CHL1: variants seen among roughly 807,000 people sequenced by gnomAD.
CHL1 encodes neural cell adhesion molecule L1-like protein.
CHL1 carries 96 observed loss-of-function variants against 141.9 expected under a neutral mutation model. That is an observed-to-expected ratio of 0.68 (90% confidence interval 0.57 to 0.80). The LOEUF is 0.80. Ranked by LOEUF, CHL1 falls within the 30% of genes least tolerant of loss-of-function variation. The pLI, the probability that CHL1 is intolerant of heterozygous loss-of-function variation, is 0.00. For missense variants in CHL1, 1,820 were observed against 1,457.2 expected, an observed-to-expected ratio of 1.25 and a Z score of -4.05; for synonymous variants, 613 against 502.2, an observed-to-expected ratio of 1.22 and a Z score of -2.95.
At chr3:350,386 T>A (rs993742289) in intron 10 of CHL1, among the ~76,000 whole-genome samples, 1 of 152,208 alleles carries the variant, frequency 6.6e-6, no homozygotes, top group African/African-American at 2.4e-5. Context: ...GCTTTCTATC[T>A]ACAATGTAGT....
At chr3:249,934 T>C (rs904823205) in intron 2 of CHL1, among the ~76,000 whole-genome samples, 1 of 151,972 alleles carries the variant, frequency 6.6e-6, no homozygotes, top group Non-Finnish European at 1.5e-5. Flanking sequence ...GACTGTGAAT[T>C]AAACTAACAA....
intron 7 of CHL1, 136 bp from the exon 8 acceptor site, chr3:342,848 A>G (rs1280422111): frequency 1.7e-6 from 1 of 594,616 alleles, no homozygotes; most frequent in Admixed American, 3.5e-5. Flanking sequence ...TATATTCCCA[A>G]AGGCAATGTT....
intron 15 of CHL1, among the ~76,000 whole-genome samples, chr3:369,183 G>C (rs1002955456): frequency 2.0e-5 from 3 of 151,820 alleles, no homozygotes; most frequent in African/African-American, 7.3e-5. Flanking sequence ...AAATTACTTT[G>C]GGCAGTGTGG....
intron 2 of CHL1, among the ~76,000 whole-genome samples, chr3:281,404 G>A (rs1161728372): frequency 2.0e-5 from 3 of 152,112 alleles, no homozygotes; most frequent in Non-Finnish European, 2.9e-5. Context: ...TCACCACTAT[G>A]ATTTACTATT....
At chr3:307,301 C>T (rs755111217) in intron 2 of CHL1, among the ~76,000 whole-genome samples, 6 of 152,168 alleles carry the variant, frequency 3.9e-5, no homozygotes, top group Non-Finnish European at 5.9e-5. Flanking sequence ...AGTATGTGTA[C>T]ACATGCACAA....
At position 255,037 on chromosome 3, in the gene CHL1, G is replaced by A. The variant is rs146394711; in HGVS notation, c.-95+10345G>A. ...CCTATCTCCATCTCTAGCTACAATTGTTCTGAATTTTGGGGCCCGTTTTTG... is the reference window on the plus strand; with the variant it reads ...CCTATCTCCATCTCTAGCTACAATTATTCTGAATTTTGGGGCCCGTTTTTG... On this transcript the variant is annotated intron_variant, in intron 2 of 27. Transcript: ENST00000256509. Among the ~76,000 whole-genome samples the A allele has an allele frequency of 8.0e-4, 122 of 152,020 alleles. 3 individuals carry two copies. The South Asian group carries it at 0.021, about 26-fold the overall frequency.
At chr3:253,215 A>G (rs1291287312) in intron 2 of CHL1, among the ~76,000 whole-genome samples, 5 of 152,150 alleles carry the variant, frequency 3.3e-5, no homozygotes, top group East Asian at 1.9e-4. Context: ...ATGATTAACA[A>G]TGCTTTTATT....
At chr3:226,374 T>TTTTATATA (rs75223532) in intron 1 of CHL1, among the ~76,000 whole-genome samples, 4 of 144,304 alleles carry the variant, frequency 2.8e-5, no homozygotes, top group Non-Finnish European at 4.5e-5. Context: ...ATAGAATATT[T>TTTTATATA]TATATATATA....
intron 27 of CHL1, among the ~76,000 whole-genome samples, chr3:402,434 C>A (rs1013235776): frequency 1.3e-5 from 2 of 152,192 alleles, no homozygotes; most frequent in African/African-American, 4.8e-5. Context: ...CTTTCTGCTA[C>A]TCTCTCAACT....
chr3:250,302 T>A (rs1343544396), intron 2 of CHL1, among the ~76,000 whole-genome samples: 2 of 151,940 alleles, frequency 1.3e-5, no homozygotes, highest in Admixed American at 6.6e-5. Flanking sequence ...GATGTCATAG[T>A]AAAGAAGTGA....
chr3:250,494 G>A (rs1412394679), intron 2 of CHL1, among the ~76,000 whole-genome samples: 1 of 152,084 alleles, frequency 6.6e-6, no homozygotes, highest in Non-Finnish European at 1.5e-5. Context: ...ATTTGTCTGT[G>A]CAGATCTATC....
chr3:329,030 G>T (rs1467374172), intron 5 of CHL1, among the ~76,000 whole-genome samples: 1 of 152,124 alleles, frequency 6.6e-6, no homozygotes, highest in Non-Finnish European at 1.5e-5. Context: ...GTGTAAAACT[G>T]CAAGACACTT....
Position 408,125 on chromosome 3 carries a change from A to T in CHL1, c.*2414A>T, listed in dbSNP as rs1326568111. The T allele has an allele frequency of 1.3e-5, 2 of 152,086 alleles. No individual in the cohort carries two copies. The highest frequency in any genetic ancestry group is 2.9e-5 in the Non-Finnish European group (2 of 68,000). 9.4% of individuals were successfully genotyped at this position (152,086 alleles called of 1,614,324 possible). ...TAAGTCGGTTAAAATGGATTTCATG[A>T]TTTTCCCTCAGAAAATGAGTAACAG... On this transcript the variant is annotated 3_prime_UTR_variant, in exon 28 of 28. Transcript: ENST00000256509.
At chr3:402,500 C>T (rs1709222864) in intron 27 of CHL1, among the ~76,000 whole-genome samples, 1 of 152,168 alleles carries the variant, frequency 6.6e-6, no homozygotes, top group South Asian at 2.1e-4. Flanking sequence ...CTGTATATTT[C>T]AGCCAACAGA....
At chr3:232,699 A>C (rs1241209655) in intron 1 of CHL1, among the ~76,000 whole-genome samples, 3 of 152,022 alleles carry the variant, frequency 2.0e-5, no homozygotes, top group Non-Finnish European at 4.4e-5. Flanking sequence ...TTTGCCATTT[A>C]TATATTCTCA....
At chr3:250,768 A>G (rs1693615900) in intron 2 of CHL1, among the ~76,000 whole-genome samples, 3 of 152,112 alleles carry the variant, frequency 2.0e-5, no homozygotes, top group Admixed American at 6.6e-5. Context: ...TGCTTTGTAT[A>G]TTTTATGACA....
intron 1 of CHL1, among the ~76,000 whole-genome samples, chr3:242,332 C>G (rs1417363819): frequency 2.0e-5 from 3 of 149,760 alleles, no homozygotes. Context: ...CGCGGTGGCT[C>G]ACGCCTGTAA....
At chr3:287,861 G>T (rs1233060070) in intron 2 of CHL1, among the ~76,000 whole-genome samples, 2 of 152,132 alleles carry the variant, frequency 1.3e-5, no homozygotes, top group Non-Finnish European at 2.9e-5. Flanking sequence ...CGCCTCCCGG[G>T]TTGAAGCGAT....
intron 1 of CHL1, among the ~76,000 whole-genome samples, chr3:216,996 TCTGCTACAAG>T (rs1490075037): frequency 3.9e-5 from 6 of 152,308 alleles, no homozygotes; most frequent in African/African-American, 1.4e-4. Context: ...TTGTGCTCAG[TCTGCTACAAG>T]CTGCTTGTGC....
Sources: allele counts gnomAD v4.1 joint callset (sites outside exome capture counted in the v4.1 genomes callset), GRCh38; gene constraint gnomAD v4.1.1; transcripts MANE v1.5; gene names NCBI Gene and HGNC (gene_info 2026-07-23, HGNC 2026-07-21).